Variants in DCDC1 observed in about 807,000 individuals in gnomAD.
The protein encoded by DCDC1 is doublecortin domain-containing protein 1.
A neutral mutation model predicts 178.3 loss-of-function variants in DCDC1; 200 were observed. The observed-to-expected ratio is 1.12, with a 90% CI of 1.00 to 1.26. DCDC1 has a LOEUF of 1.26. Ranked by LOEUF, DCDC1 falls within the 50% of genes most tolerant of loss-of-function variation. DCDC1 has a pLI of 0.00. For synonymous variants in DCDC1, 690 were observed against 604.8 expected (o/e 1.14, Z -2.07); for missense variants, 1,983 against 1,749.2 (o/e 1.13, Z -2.38).
intron 18 of DCDC1, among the ~76,000 whole-genome samples, chr11:31,073,287 T>C (rs1463433473): frequency 3.9e-5 from 6 of 152,146 alleles, no homozygotes; most frequent in Non-Finnish European, 5.9e-5. Context: ...TAATCAGCGA[T>C]AATATTGTTA....
chr11:30,952,833 GAATAACAGTCCTTTTAT>G (rs1156498406), intron 20 of DCDC1, among the ~76,000 whole-genome samples: 1 of 152,040 alleles, frequency 6.6e-6, no homozygotes, highest in Non-Finnish European at 1.5e-5. Context: ...AGGTAAAGTA[GAATAACAGTCCTTTTAT>G]AATAACAATG....
intron 20 of DCDC1, among the ~76,000 whole-genome samples, chr11:31,063,273 C>T (rs1333606111): frequency 6.6e-6 from 1 of 152,018 alleles, no homozygotes; most frequent in African/African-American, 2.4e-5. Flanking sequence ...CTAGTTCAAC[C>T]ATTGTGGAAG....
intron 38 of DCDC1, among the ~76,000 whole-genome samples, chr11:30,868,302 G>A (rs544889704): frequency 1.5e-5 from 2 of 137,320 alleles, no homozygotes; most frequent in African/African-American, 2.8e-5. Flanking sequence ...CCAGGCTGGA[G>A]TGTAGTGGTG....
chr11:31,213,975 C>T (rs1014506663), intron 9 of DCDC1, among the ~76,000 whole-genome samples: 4 of 151,872 alleles, frequency 2.6e-5, no homozygotes, highest in Admixed American at 2.6e-4. Flanking sequence ...CAGCAATTAT[C>T]TCTGGGGAAT....
chr11:31,240,175 A>C (rs1976940354), intron 9 of DCDC1, among the ~76,000 whole-genome samples: 2 of 152,012 alleles, frequency 1.3e-5, no homozygotes, highest in Admixed American at 6.6e-5. Flanking sequence ...GATCCATTTT[A>C]TAATATCATG....
intron 3 of DCDC1, among the ~76,000 whole-genome samples, chr11:31,319,389 G>A (rs61879881): frequency 0.016 from 723 of 45,034 alleles, 3 homozygotes; most frequent in Middle Eastern, 0.032. Flanking sequence ...CTCTTGTTGA[G>A]TTGATCCCTT....
intron 20 of DCDC1, among the ~76,000 whole-genome samples, chr11:31,043,640 T>C (rs1469634019): frequency 6.6e-6 from 1 of 152,124 alleles, no homozygotes; most frequent in Admixed American, 6.5e-5. Flanking sequence ...TGGAAAGACC[T>C]ATTACAGTTA....
In DCDC1 at chr11:31,005,455, T is replaced by C. The variant is rs572030926; in HGVS notation, c.2592-52887A>G. On this transcript the variant is annotated intron_variant, in intron 20 of 38. Transcript: ENST00000684477. ...CCTGTCACACCACATATTCATAGGA[T>C]CCAACTTTAGTGCAGCTCATGCTGC... 1.4e-4 allele frequency among the ~76,000 whole-genome samples: 21 copies of C among 152,304 alleles called. No individual in the cohort carries two copies. In the South Asian group the frequency reaches 3.9e-3, roughly 29 times the overall value.
At chr11:31,324,206 G>C (rs1949526029) in intron 3 of DCDC1, among the ~76,000 whole-genome samples, 1 of 151,626 alleles carries the variant, frequency 6.6e-6, no homozygotes, top group South Asian at 2.1e-4. Flanking sequence ...AGTTAAACTT[G>C]TTTACTTTGC....
chr11:31,247,618 A>G (rs1186143701), intron 8 of DCDC1, among the ~76,000 whole-genome samples: 1 of 151,894 alleles, frequency 6.6e-6, no homozygotes, highest in East Asian at 1.9e-4. Context: ...AATAGGGCCC[A>G]TTTGCAGGGG....
chr11:31,143,612 G>A (rs1964110106), intron 9 of DCDC1, among the ~76,000 whole-genome samples: 1 of 152,306 alleles, frequency 6.6e-6, no homozygotes, highest in Non-Finnish European at 1.5e-5. Flanking sequence ...TCTCAGCTCT[G>A]CATTGGCTCA....
intron 8 of DCDC1, chr11:31,262,715 C>T: frequency 4.9e-6 from 1 of 205,688 alleles, no homozygotes; most frequent in Non-Finnish European, 9.6e-6. Flanking sequence ...GTTCAGAAAA[C>T]CATCCAACAC....
Position 31,091,456 on chromosome 11 carries a change from G to A in DCDC1, c.2174C>T (p.Pro725Leu). ...TCCCTCAGCAGCCTTGACTCTGATA[G>A]GATGACCAATAGCCAGGCAGCCCTG... ...ITQGCLAIGH[P>L]IRVKAAEGTS... Residue 725 changes from proline to leucine, a missense_variant, in exon 17 of 39, where the codon CCT (proline) becomes CTT (leucine). Physicochemically the swap from Pro to Leu is moderately conservative, Grantham distance 98. Coordinates refer to ENST00000684477, the MANE Select transcript of DCDC1 (RefSeq NM_001387274.1). 1.3e-6 allele frequency: 1 copy of A among 762,214 alleles called. No homozygotes were observed. Among genetic ancestry groups the A allele is most frequent in the Non-Finnish European group, 2.4e-6 (1 of 415,978 alleles). 47.2% of individuals were successfully genotyped at this position (762,214 alleles called of 1,614,324 possible). A position where few individuals can be genotyped will look rare whatever the true frequency, so the allele number is the denominator to read the frequency against.
chr11:30,969,666 T>C (rs375613315), intron 20 of DCDC1, among the ~76,000 whole-genome samples: 2 of 152,216 alleles, frequency 1.3e-5, no homozygotes, highest in East Asian at 1.9e-4. Flanking sequence ...AGTGTAGAAA[T>C]AGAGAAAATT....
intron 9 of DCDC1, among the ~76,000 whole-genome samples, chr11:31,158,752 T>C (rs1966003038): frequency 6.6e-6 from 1 of 152,178 alleles, no homozygotes; most frequent in South Asian, 2.1e-4. Context: ...AGATTAGCAA[T>C]GTCAATTTTT....
At chr11:30,985,945 A>AT (rs900902149) in intron 20 of DCDC1, among the ~76,000 whole-genome samples, 2 of 152,154 alleles carry the variant, frequency 1.3e-5, no homozygotes, top group Admixed American at 6.5e-5. Context: ...AAAAAGTGCC[A>AT]TTTTTTTGAG....
chr11:31,158,326 C>A (rs1965953642), intron 9 of DCDC1, among the ~76,000 whole-genome samples: 1 of 151,724 alleles, frequency 6.6e-6, no homozygotes, highest in Non-Finnish European at 1.5e-5. Context: ...ACCATGTTAG[C>A]CAGGATGGTC....
At chr11:31,122,833 T>C (rs2135900923) in intron 11 of DCDC1, among the ~76,000 whole-genome samples, 1 of 152,318 alleles carries the variant, frequency 6.6e-6, no homozygotes, top group South Asian at 2.1e-4. Context: ...TCAATTTTTG[T>C]GCTATTCACA....
intron 20 of DCDC1, among the ~76,000 whole-genome samples, chr11:31,037,742 C>T (rs1019299021): frequency 2.2e-4 from 34 of 152,214 alleles, no homozygotes; most frequent in Non-Finnish European, 4.3e-4. Context: ...GGATTACAGG[C>T]GTGAGCCACT....
Sources: gnomAD v4.1 joint callset for allele counts (sites outside exome capture counted in the v4.1 genomes callset) on GRCh38, gnomAD v4.1.1 for gene constraint, MANE v1.5 for transcripts, NCBI Gene and HGNC (gene_info 2026-07-23, HGNC 2026-07-21) for gene names.